CTHRC1: variants seen among roughly 807,000 people sequenced by gnomAD.
CTHRC1 encodes collagen triple helix repeat-containing protein 1.
A neutral mutation model predicts 25.9 loss-of-function variants in CTHRC1; 21 were observed. That is an observed-to-expected ratio of 0.81 (90% CI 0.57 to 1.17). CTHRC1 has a LOEUF of 1.17. CTHRC1 is among the 50% of genes most tolerant of loss of function. The pLI, the probability that CTHRC1 is intolerant of heterozygous loss-of-function variation, is 0.00. For missense variants in CTHRC1, 281 were observed against 304.3 expected (o/e 0.92, Z 0.57); for synonymous variants, 109 against 113.1 (o/e 0.96, Z 0.23).
intron 2 of CTHRC1, 93 bp from the exon 3 acceptor site, chr8:103,377,934 A>G (rs962935829): frequency 1.8e-6 from 2 of 1,083,286 alleles, no homozygotes; most frequent in Admixed American, 3.5e-5. Flanking sequence ...ATTTTGGGGA[A>G]AAGGATAGTT....
At chr8:103,379,184 T>C (rs944321276) in intron 3 of CTHRC1, among the ~76,000 whole-genome samples, 6 of 152,234 alleles carry the variant, frequency 3.9e-5, no homozygotes, top group African/African-American at 1.4e-4. Context: ...GGAAAAGACA[T>C]TCAGTGGTCA....
Position 103,375,837 on chromosome 8 carries a change from G to C in CTHRC1, c.250G>C (p.Asp84His), listed in dbSNP as rs1287051433. 1 of 1,614,136 alleles carries C rather than the reference G, an allele frequency of 6.2e-7. No homozygotes were observed. Among genetic ancestry groups the C allele is most frequent in the Non-Finnish European group, 8.5e-7 (1 of 1,180,018 alleles). The change falls in exon 2 of 4, where the codon GAT (aspartate) becomes CAT (histidine). Residue 84 changes from aspartate to histidine, a missense_variant. Transcript: ENST00000330295. ...IPGTPGIPGRDGFKGEKGECL... is the reference protein window; with the variant it reads ...IPGTPGIPGRHGFKGEKGECL... ...GGGTACACCTGGGATCCCAGGTCGGGATGGATTCAAAGGAGAAAAGGGGGA... is the reference window on the plus strand; with the variant it reads ...GGGTACACCTGGGATCCCAGGTCGGCATGGATTCAAAGGAGAAAAGGGGGA...
At chr8:103,374,450 G>T (rs1815769341) in intron 1 of CTHRC1, among the ~76,000 whole-genome samples, 2 of 152,206 alleles carry the variant, frequency 1.3e-5, no homozygotes, top group Non-Finnish European at 1.5e-5. Context: ...GTTTTGGAGT[G>T]TCTAATAAAC....
intron 2 of CTHRC1, chr8:103,376,178 A>G (rs2130400645): frequency 1.6e-6 from 1 of 606,328 alleles, no homozygotes. Context: ...TAACCATAGT[A>G]TCTAAAATAA....
rs956475976 is a variant in CTHRC1 at position 103,380,644 on chromosome 8, T to C, written c.590-1814T>C. Among the ~76,000 whole-genome samples the C allele has an allele frequency of 6.6e-5, 10 of 152,162 alleles. 1 individual carries two copies. Among genetic ancestry groups the C allele is most frequent in the African/African-American group, 1.4e-4 (6 of 41,422 alleles). On this transcript the variant is annotated intron_variant, in intron 3 of 3. Transcript: ENST00000330295. ...TCATACTACATTATCACAGCAAAAA[T>C]GTTCATTCAACATTATTTCATCTGC...
At position 103,375,783 on chromosome 8, in the gene CTHRC1, G is replaced by A; in HGVS notation, c.196G>A (p.Asp66Asn). The change falls in exon 2 of 4, where the codon GAC (aspartate) becomes AAC (asparagine). Residue 66 changes from aspartate to asparagine, a missense_variant. By Grantham distance (23) the Asp-to-Asn change is conservative. Coordinates refer to ENST00000330295, the MANE Select transcript of CTHRC1 (RefSeq NM_138455.4). ...AGGGCCAGCAGGAGTGCCTGGTCGA[G>A]ACGGGAGCCCTGGGGCCAATGGCAT... The part of the protein sequence containing the change: ...LQGPAGVPGR[D>N]GSPGANGIPG... 6.2e-7 allele frequency: 1 copy of A among 1,614,104 alleles called. No homozygotes were observed. The highest frequency in any genetic ancestry group is 8.5e-7 in the Non-Finnish European group (1 of 1,180,030).
In CTHRC1 at chr8:103,382,704, A is replaced by C. The variant is rs972697144; in HGVS notation, c.*104A>C. The stretch of plus-strand genomic sequence containing the variant: ...TATGTATACATCTGAATGAAAAGCA[A>C]AGCTAAATATGTTTACAGACCAAAG... On this transcript the variant is annotated 3_prime_UTR_variant, in exon 4 of 4. Coordinates refer to ENST00000330295, the MANE Select transcript of CTHRC1 (RefSeq NM_138455.4). 2 of 1,022,734 alleles carry C rather than the reference A, an allele frequency of 2.0e-6. No individual in the cohort carries two copies. Among genetic ancestry groups the C allele is most frequent in the Non-Finnish European group, 3.1e-6 (2 of 646,316 alleles). The allele number at this position is 1,022,734 out of a possible 1,614,324, so 63.4% of individuals were successfully genotyped here. A position where few individuals can be genotyped will look rare whatever the true frequency, so the allele number is the denominator to read the frequency against.
At chr8:103,380,873 CTA>C (rs934319647) in intron 3 of CTHRC1, among the ~76,000 whole-genome samples, 1 of 152,288 alleles carries the variant, frequency 6.6e-6, no homozygotes, top group African/African-American at 2.4e-5. Flanking sequence ...TGTGGGCCTA[CTA>C]TTTAGTTCCC....
chr8:103,382,684 A>G lies in CTHRC1; in HGVS notation c.*84A>G, dbSNP rs539691257. 3 of 1,182,048 alleles carry G rather than the reference A, an allele frequency of 2.5e-6. No individual in the cohort carries two copies. Among genetic ancestry groups the G allele is most frequent in the African/African-American group, 3.0e-5 (2 of 66,456 alleles). The allele number at this position is 1,182,048 out of a possible 1,614,324, so 73.2% of individuals were successfully genotyped here. A position where few individuals can be genotyped will look rare whatever the true frequency, so the allele number is the denominator to read the frequency against. On this transcript the variant is annotated 3_prime_UTR_variant, in exon 4 of 4. Coordinates refer to ENST00000330295, the MANE Select transcript of CTHRC1 (RefSeq NM_138455.4). ...AATGACATTTTAAATAAGTTTATGT[A>G]TACATCTGAATGAAAAGCAAAGCTA... is the stretch of plus-strand genomic sequence containing the variant.
At chr8:103,374,269 T>A (rs1815764381) in intron 1 of CTHRC1, among the ~76,000 whole-genome samples, 1 of 152,244 alleles carries the variant, frequency 6.6e-6, no homozygotes, top group Admixed American at 6.5e-5. Flanking sequence ...TATTGGATTT[T>A]ATCATCCAAT....
At position 103,375,941 on chromosome 8, in the gene CTHRC1, A is replaced by G; in HGVS notation, c.354A>G (p.Ile118Met). The G allele has an allele frequency of 6.2e-7, 1 of 1,613,676 alleles. No individual in the cohort carries two copies. The highest frequency in any genetic ancestry group is 8.5e-7 in the Non-Finnish European group (1 of 1,179,648). ...CATGGAGTTCATTGAATTATGGCAT[A>G]GATCTTGGGAAAATTGCGGTAAGTT... Reference protein sequence around the residue: ...QCSWSSLNYGIDLGKIAECTF... With the variant: ...QCSWSSLNYGMDLGKIAECTF... Residue 118 changes from isoleucine to methionine, a missense_variant, in exon 2 of 4, where the codon ATA becomes ATG. Ile to Met is a conservative substitution (Grantham distance 10). Transcript: ENST00000330295.
intron 2 of CTHRC1, chr8:103,376,160 T>C: frequency 1.6e-6 from 1 of 616,686 alleles, no homozygotes; most frequent in Non-Finnish European, 2.8e-6. Flanking sequence ...GACAAATGCT[T>C]ATCATTTTAA....
At position 103,377,430 on chromosome 8, in the gene CTHRC1, T is replaced by C. The variant is rs974810532; in HGVS notation, c.373-597T>C. Reference sequence around the variant, plus strand: ...AAAAAAGAGGAAATATATAAATTGATTTTATCAAAAGTACTGAAGGCTAGC... The same window carrying C: ...AAAAAAGAGGAAATATATAAATTGACTTTATCAAAAGTACTGAAGGCTAGC... On this transcript the variant is annotated intron_variant, in intron 2 of 3. Transcript: ENST00000330295. 3 of 154,490 alleles carry C rather than the reference T, an allele frequency of 1.9e-5. 1 individual carries two copies. Among genetic ancestry groups the C allele is most frequent in the Non-Finnish European group, 4.3e-5 (3 of 69,612 alleles). 9.6% of individuals were successfully genotyped at this position (154,490 alleles called of 1,614,324 possible).
intron 1 of CTHRC1, among the ~76,000 whole-genome samples, chr8:103,373,719 C>G (rs1815754281): frequency 6.7e-6 from 1 of 148,386 alleles, no homozygotes; most frequent in African/African-American, 2.5e-5. Flanking sequence ...GCAATCCCCT[C>G]TCCCAAGTTG....
At chr8:103,372,375 G>A (rs1392024023) in intron 1 of CTHRC1, 10 of 1,303,486 alleles carry the variant, frequency 7.7e-6, no homozygotes, top group Middle Eastern at 2.7e-4. Context: ...ATCTTCCTAG[G>A]GAGTATGGGC....
intron 2 of CTHRC1, among the ~76,000 whole-genome samples, chr8:103,377,666 C>A (rs1054276849): frequency 2.6e-5 from 4 of 152,206 alleles, no homozygotes; most frequent in African/African-American, 9.7e-5. Flanking sequence ...TGCAGTGGCA[C>A]AATTTCGGCT....
chr8:103,378,311 T>A, intron 3 of CTHRC1, 68 bp downstream of exon 3: 2 of 1,265,236 alleles, frequency 1.6e-6, no homozygotes, highest in Non-Finnish European at 2.3e-6. Context: ...AGTCCCACTA[T>A]CATGTTGGTT....
At position 103,371,578 on chromosome 8, in the gene CTHRC1, G is replaced by C. The variant is rs1442022781; in HGVS notation, c.-79G>C. On this transcript the variant is annotated 5_prime_UTR_variant, in exon 1 of 4. Transcript: ENST00000330295. The stretch of plus-strand genomic sequence containing the variant: ...GCAGCCTGCGGCGGCCTCGGAGCGC[G>C]GCGGAGCCAGACGCTGACCACGTTC... 2.0e-6 allele frequency: 3 copies of C among 1,465,250 alleles called. No individual in the cohort carries two copies. The highest frequency in any genetic ancestry group is 2.7e-6 in the Non-Finnish European group (3 of 1,095,866). 90.8% of individuals were successfully genotyped at this position (1,465,250 alleles called of 1,614,324 possible). A position where few individuals can be genotyped will look rare whatever the true frequency, so the allele number is the denominator to read the frequency against.
Position 103,371,618 on chromosome 8 carries a change from C to G in CTHRC1, c.-39C>G. 1 of 1,527,618 alleles carries G rather than the reference C, an allele frequency of 6.5e-7. No homozygotes were observed. Among genetic ancestry groups the G allele is most frequent in the Non-Finnish European group, 8.8e-7 (1 of 1,139,172 alleles). The allele number at this position is 1,527,618 out of a possible 1,614,324, so 94.6% of individuals were successfully genotyped here. A position where few individuals can be genotyped will look rare whatever the true frequency, so the allele number is the denominator to read the frequency against. On this transcript the variant is annotated 5_prime_UTR_variant, in exon 1 of 4. Transcript: ENST00000330295. ...TGACCACGTTCCTCTCCTCGGTCTC[C>G]TCCGCCTCCAGCTCCGCGCTGCCCG...
Sources: allele counts gnomAD v4.1 joint callset (sites outside exome capture counted in the v4.1 genomes callset), GRCh38; gene constraint gnomAD v4.1.1; transcripts MANE v1.5; gene names NCBI Gene and HGNC (gene_info 2026-07-23, HGNC 2026-07-21).